Variants in DSCAML1 observed in about 807,000 individuals in gnomAD.
DSCAML1 encodes the protein DS cell adhesion molecule like 1.
A neutral mutation model predicts 200.5 loss-of-function variants in DSCAML1; 38 were observed. The ratio of observed to expected loss-of-function variants is 0.19; its 90% CI spans 0.15 to 0.25. The LOEUF is 0.25. Ranked by LOEUF, DSCAML1 falls within the 10% of genes least tolerant of loss-of-function variation. The pLI, the probability that DSCAML1 is intolerant of heterozygous loss-of-function variation, is 1.00. For synonymous variants in DSCAML1, 1,215 were observed against 1,165.0 expected (o/e 1.04, Z -0.87); for missense variants, 2,223 against 2,858.8 (o/e 0.78, Z 5.07).
intron 1 of DSCAML1, among the ~76,000 whole-genome samples, chr11:117,787,539 A>G (rs2055380918): frequency 6.6e-6 from 1 of 152,240 alleles, no homozygotes; most frequent in Non-Finnish European, 1.5e-5. Context: ...TCATAGGGCC[A>G]GAAATTCTAT....
At chr11:117,686,341 G>A (rs905616641) in intron 3 of DSCAML1, among the ~76,000 whole-genome samples, 27 of 152,358 alleles carry the variant, frequency 1.8e-4, no homozygotes, top group African/African-American at 6.3e-4. Flanking sequence ...AGTTCCCAGA[G>A]GACAGCACAA....
At chr11:117,488,018 T>C (rs2049110982) in intron 11 of DSCAML1, among the ~76,000 whole-genome samples, 1 of 152,188 alleles carries the variant, frequency 6.6e-6, no homozygotes, top group Non-Finnish European at 1.5e-5. Flanking sequence ...GGAATGTGGC[T>C]CACTGTCTGA....
chr11:117,572,644 C>T lies in DSCAML1; in HGVS notation c.512-40122G>A, dbSNP rs181774914. Among the ~76,000 whole-genome samples, 4 of 152,276 alleles carry T rather than the reference C, an allele frequency of 2.6e-5. No homozygotes were observed. In the East Asian group the frequency reaches 5.8e-4, roughly 22 times the overall value. ...ACTTACAGGGGAATTATTAGGGAGT[C>T]CAACATCCGGTAGGGGATTGGGGGG... On this transcript the variant is annotated intron_variant, in intron 3 of 32. Transcript: ENST00000651296.
At chr11:117,727,839 G>A (rs996765268) in intron 3 of DSCAML1, among the ~76,000 whole-genome samples, 9 of 152,196 alleles carry the variant, frequency 5.9e-5, no homozygotes, top group Non-Finnish European at 8.8e-5. Flanking sequence ...GATGATATCT[G>A]AGCCAAGCGT....
In DSCAML1 at chr11:117,744,856, C is replaced by G. The variant is rs1041345957; in HGVS notation, c.511+31935G>C. 7.2e-5 allele frequency among the ~76,000 whole-genome samples: 11 copies of G among 152,256 alleles called. 1 individual carries two copies. The highest frequency in any genetic ancestry group is 1.3e-4 in the Non-Finnish European group (9 of 68,036). ...AGGGGAAGGAAGTCACAAAAAGAAG[C>G]ATGTCAGCTCTGAGATGTACAGGGG... On this transcript the variant is annotated intron_variant, in intron 3 of 32. Coordinates refer to ENST00000651296, the MANE Select transcript of DSCAML1 (RefSeq NM_020693.4).
At chr11:117,756,872 C>T (rs768469359) in intron 3 of DSCAML1, among the ~76,000 whole-genome samples, 10 of 152,160 alleles carry the variant, frequency 6.6e-5, no homozygotes, top group African/African-American at 9.7e-5. Flanking sequence ...GCACGCTCAG[C>T]GGTGGCTCCC....
chr11:117,685,340 C>T (rs1246677360), intron 3 of DSCAML1, among the ~76,000 whole-genome samples: 1 of 152,226 alleles, frequency 6.6e-6, no homozygotes, highest in East Asian at 1.9e-4. Context: ...TCCCAGAAAG[C>T]GGCTATCTTC....
intron 3 of DSCAML1, among the ~76,000 whole-genome samples, chr11:117,603,981 C>T (rs946678527): frequency 2.6e-5 from 4 of 152,212 alleles, no homozygotes; most frequent in African/African-American, 4.8e-5. Flanking sequence ...TTGATGGGAG[C>T]TCAGCTGGGC....
intron 3 of DSCAML1, among the ~76,000 whole-genome samples, chr11:117,678,187 C>T (rs987552465): frequency 1.3e-5 from 2 of 152,230 alleles, no homozygotes; most frequent in African/African-American, 2.4e-5. Flanking sequence ...CATCCCTCCT[C>T]CCAGCCTGGA....
At chr11:117,671,071 T>C (rs1444902058) in intron 3 of DSCAML1, among the ~76,000 whole-genome samples, 1 of 152,222 alleles carries the variant, frequency 6.6e-6, no homozygotes, top group Non-Finnish European at 1.5e-5. Flanking sequence ...GCATAAGGAA[T>C]GCACTTGACG....
intron 3 of DSCAML1, among the ~76,000 whole-genome samples, chr11:117,726,897 G>A (rs1322835738): frequency 2.6e-5 from 4 of 152,112 alleles, no homozygotes; most frequent in Non-Finnish European, 5.9e-5. Context: ...TAGGGTAGCA[G>A]CCAAAGCAAC....
chr11:117,530,553 G>A (rs1018381598), intron 4 of DSCAML1, among the ~76,000 whole-genome samples: 1 of 152,176 alleles, frequency 6.6e-6, no homozygotes, highest in Non-Finnish European at 1.5e-5. Flanking sequence ...ATTGATTAAT[G>A]CCATAAATAT....
At chr11:117,800,812 T>G (rs2055650348), upstream of DSCAML1, 1 of 152,242 alleles carries the variant, frequency 6.6e-6, no homozygotes, top group Non-Finnish European at 1.5e-5. Flanking sequence ...GGTATTATTT[T>G]GCCATGTTAT....
At chr11:117,693,219 C>T (rs536511363) in intron 3 of DSCAML1, among the ~76,000 whole-genome samples, 2 of 152,358 alleles carry the variant, frequency 1.3e-5, no homozygotes, top group South Asian at 4.1e-4. Flanking sequence ...TCTGAACCTA[C>T]ATCAAGTCAA....
At chr11:117,775,056 T>A (rs1383445948) in intron 3 of DSCAML1, among the ~76,000 whole-genome samples, 1 of 152,224 alleles carries the variant, frequency 6.6e-6, no homozygotes, top group Non-Finnish European at 1.5e-5. Context: ...CATTTCTTTA[T>A]GTTCTTTAAA....
At chr11:117,808,974 C>G (rs183802288) in intron 1 of DSCAML1, among the ~76,000 whole-genome samples, 1 of 152,222 alleles carries the variant, frequency 6.6e-6, no homozygotes, top group Non-Finnish European at 1.5e-5. Context: ...TTCCCCAGGG[C>G]TGCCCAGGTG....
In DSCAML1 at chr11:117,439,925, T is replaced by C. The variant is rs2048008566; in HGVS notation, c.3874A>G (p.Ile1292Val). The part of the protein sequence containing the change: ...IEPAGKAPAK[I>V]ISFGGTVTTP... ...GTCACGGTGCCCCCAAAGGAGATGA[T>C]CTTTGCTGGGGCTACAGGGAGGAGA... Residue 1292 changes from isoleucine to valine, a missense_variant, in exon 22 of 33, where the codon ATC (isoleucine) becomes GTC (valine). Physicochemically the swap from Ile to Val is conservative, Grantham distance 29. This residue lies in a region of DSCAML1 where 614 missense variants were observed against 739.1 expected (regional missense o/e 0.83). Transcript: ENST00000651296. 2 of 1,614,042 alleles carry C rather than the reference T, an allele frequency of 1.2e-6. No homozygotes were observed. The highest frequency in any genetic ancestry group is 1.7e-6 in the Non-Finnish European group (2 of 1,179,916).
intron 3 of DSCAML1, among the ~76,000 whole-genome samples, chr11:117,677,516 C>T (rs555053422): frequency 1.8e-4 from 27 of 151,358 alleles, no homozygotes; most frequent in Middle Eastern, 3.4e-3. Flanking sequence ...AGTCCTGGGG[C>T]GGGAGAATGA....
rs2048562974 is a variant in DSCAML1 at position 117,465,471 on chromosome 11, C to CT, written c.3025-290dup. 2.0e-5 allele frequency among the ~76,000 whole-genome samples: 3 copies of CT among 152,210 alleles called. No individual in the cohort carries two copies. In the South Asian group the frequency reaches 6.2e-4, roughly 32 times the overall value. On this transcript the variant is annotated intron_variant, in intron 16 of 32. Coordinates refer to ENST00000651296, the MANE Select transcript of DSCAML1 (RefSeq NM_020693.4). Reference sequence around the variant, plus strand: ...AAACACTCCTCCCCTCTGCCGCGTCCTTGCCGAAATGCCTCTTCTGAACGA... The same window carrying CT: ...AAACACTCCTCCCCTCTGCCGCGTCCTTTGCCGAAATGCCTCTTCTGAACGA...
Sources: allele counts gnomAD v4.1 joint callset (sites outside exome capture counted in the v4.1 genomes callset), GRCh38; gene constraint gnomAD v4.1.1; regional missense constraint gnomAD v4.1.1; transcripts MANE v1.5; gene names NCBI Gene and HGNC (gene_info 2026-07-23, HGNC 2026-07-21).